Variants in PITPNC1 observed in about 807,000 individuals in gnomAD.
The protein encoded by PITPNC1 is phosphatidylinositol transfer protein cytoplasmic 1.
Under a neutral mutation model 44.7 loss-of-function variants are expected in PITPNC1, and 18 were observed. The ratio of observed to expected loss-of-function variants is 0.40; its 90% CI spans 0.28 to 0.60. PITPNC1 has a LOEUF of 0.60. PITPNC1 is among the 20% of genes least tolerant of loss of function. PITPNC1 has a pLI of 0.39. For missense variants in PITPNC1, 290 were observed against 418.4 expected (o/e 0.69, Z 2.68); for synonymous variants, 141 against 149.6 (o/e 0.94, Z 0.42).
At chr17:67,557,819 GC>G (rs2040859030) in intron 4 of PITPNC1, among the ~76,000 whole-genome samples, 1 of 152,178 alleles carries the variant, frequency 6.6e-6, no homozygotes, top group African/African-American at 2.4e-5. Context: ...TTTGAATTGT[GC>G]TCTTTATCCC....
At chr17:67,529,775 C>T (rs1403993063) in intron 1 of PITPNC1, among the ~76,000 whole-genome samples, 5 of 152,014 alleles carry the variant, frequency 3.3e-5, no homozygotes, top group Non-Finnish European at 7.4e-5. Context: ...GGTGAAACCC[C>T]GTCTCTACTA....
intron 1 of PITPNC1, among the ~76,000 whole-genome samples, chr17:67,384,117 A>G (rs1296537710): frequency 3.9e-5 from 6 of 152,288 alleles, no homozygotes; most frequent in Non-Finnish European, 4.4e-5. Context: ...CATTCACATA[A>G]ATGTGTATAC....
chr17:67,654,469 T>C (rs2042241973), intron 6 of PITPNC1, among the ~76,000 whole-genome samples: 1 of 152,202 alleles, frequency 6.6e-6, no homozygotes, highest in South Asian at 2.1e-4. Flanking sequence ...AGGAGCTTAA[T>C]AAGATTTGAA....
At chr17:67,455,875 T>C (rs770391306) in intron 1 of PITPNC1, among the ~76,000 whole-genome samples, 6 of 152,214 alleles carry the variant, frequency 3.9e-5, no homozygotes, top group Non-Finnish European at 7.3e-5. Flanking sequence ...ACTTGGTTAC[T>C]GGGTTTGTGA....
intron 1 of PITPNC1, among the ~76,000 whole-genome samples, chr17:67,434,448 C>T (rs559185649): frequency 1.3e-3 from 205 of 152,200 alleles, no homozygotes; most frequent in Non-Finnish European, 2.5e-3. Flanking sequence ...AGGCCCATTA[C>T]ATAACCTTTC....
chr17:67,509,203 C>T (rs1224113813), intron 1 of PITPNC1, among the ~76,000 whole-genome samples: 3 of 150,266 alleles, frequency 2.0e-5, no homozygotes, highest in African/African-American at 4.9e-5. Context: ...CACTGCACTC[C>T]AGCCTGGGAG....
In PITPNC1 at chr17:67,511,498, A is replaced by G. The variant is rs568186185; in HGVS notation, c.49-21304A>G. 6.3e-4 allele frequency among the ~76,000 whole-genome samples: 96 copies of G among 152,178 alleles called. 2 individuals are homozygous for G. The highest frequency in any genetic ancestry group is 6.8e-3 in the Middle Eastern group (2 of 294). ...CGAGGTCGGTTCCCTTCACCTCGTC[A>G]ATACTGGCTAGCTGTTCTTTTTCTT... On this transcript the variant is annotated intron_variant, in intron 1 of 8. Coordinates refer to ENST00000581322, the MANE Select transcript of PITPNC1 (RefSeq NM_012417.4).
chr17:67,684,862 A>C (rs1598994286), intron 8 of PITPNC1, among the ~76,000 whole-genome samples: 1 of 152,244 alleles, frequency 6.6e-6, no homozygotes, highest in East Asian at 1.9e-4. Flanking sequence ...TTGAAAGCCC[A>C]TAGTCACAAA....
In PITPNC1 at chr17:67,389,707, TCTCA is replaced by T. The variant is rs10582700; in HGVS notation, c.48+11509_48+11512del. ...TGTTGTTGTTGTTTTTGAGATGGAGTCTCACTCTGTTGCCCAGGCTAGAGTGCTA... is the reference window on the plus strand; with the variant it reads ...TGTTGTTGTTGTTTTTGAGATGGAGTCTCTGTTGCCCAGGCTAGAGTGCTA... On this transcript the variant is annotated intron_variant, in intron 1 of 8. Coordinates refer to ENST00000581322, the MANE Select transcript of PITPNC1 (RefSeq NM_012417.4). 9.3e-3 allele frequency among the ~76,000 whole-genome samples: 1,412 copies of T among 152,090 alleles called. 21 individuals are homozygous for T. Among genetic ancestry groups the T allele is most frequent in the African/African-American group, 0.032 (1,307 of 41,464 alleles).
Position 67,405,278 on chromosome 17 carries a change from G to A in PITPNC1, c.48+27076G>A, listed in dbSNP as rs553271760. 2.6e-5 allele frequency among the ~76,000 whole-genome samples: 4 copies of A among 151,662 alleles called. No homozygotes were observed. The East Asian group carries it at 5.9e-4, about 22-fold the overall frequency. ...AAAAAATTCAGATTTAGGGACAGGC[G>A]CAGTGGCTCATGACTGTAATCCCAT... On this transcript the variant is annotated intron_variant, in intron 1 of 8. Coordinates refer to ENST00000581322, the MANE Select transcript of PITPNC1 (RefSeq NM_012417.4).
intron 5 of PITPNC1, among the ~76,000 whole-genome samples, chr17:67,629,087 G>A (rs922959460): frequency 3.9e-5 from 6 of 152,124 alleles, no homozygotes; most frequent in Non-Finnish European, 7.4e-5. Context: ...GAATTAAATC[G>A]GAGAAAGCTA....
At chr17:67,489,110 C>G (rs964158842) in intron 1 of PITPNC1, among the ~76,000 whole-genome samples, 11 of 152,036 alleles carry the variant, frequency 7.2e-5, no homozygotes, top group African/African-American at 2.7e-4. Context: ...GGGTACTTTC[C>G]CAGAATTGGA....
chr17:67,490,904 A>T (rs752222678), intron 1 of PITPNC1, among the ~76,000 whole-genome samples: 1 of 152,122 alleles, frequency 6.6e-6, no homozygotes, highest in Non-Finnish European at 1.5e-5. Context: ...CAAACTTTAT[A>T]CTTACTTCTC....
intron 6 of PITPNC1, among the ~76,000 whole-genome samples, chr17:67,656,821 T>C (rs931664345): frequency 1.1e-4 from 16 of 152,194 alleles, no homozygotes; most frequent in Non-Finnish European, 2.2e-4. Flanking sequence ...GTAAAATAAT[T>C]CTGTTCTTTT....
At chr17:67,663,911 G>A (rs1214574224) in intron 6 of PITPNC1, among the ~76,000 whole-genome samples, 2 of 152,090 alleles carry the variant, frequency 1.3e-5, no homozygotes, top group Admixed American at 6.6e-5. Context: ...TCCAGTGACC[G>A]AGCGAGCTTC....
At chr17:67,660,500 ATATT>A (rs1180396154) in intron 6 of PITPNC1, among the ~76,000 whole-genome samples, 7 of 149,222 alleles carry the variant, frequency 4.7e-5, no homozygotes, top group African/African-American at 1.8e-4. Context: ...TGTATCATAT[ATATT>A]TTATTTTATT....
chr17:67,657,890 A>G (rs1168794872), intron 6 of PITPNC1, among the ~76,000 whole-genome samples: 2 of 152,230 alleles, frequency 1.3e-5, no homozygotes, highest in East Asian at 3.8e-4. Context: ...CTGGTGTTCC[A>G]TTTTTAATAC....
At chr17:67,490,154 GTGTGTGTTT>G (rs2039843172) in intron 1 of PITPNC1, among the ~76,000 whole-genome samples, 1 of 96,674 alleles carries the variant, frequency 1.0e-5, no homozygotes, top group Non-Finnish European at 2.2e-5. Flanking sequence ...GTGTGTGTGT[GTGTGTGTTT>G]TAATTAACGA....
intron 5 of PITPNC1, among the ~76,000 whole-genome samples, chr17:67,619,910 A>G (rs935133690): frequency 2.0e-5 from 3 of 152,094 alleles, no homozygotes; most frequent in Non-Finnish European, 2.9e-5. Context: ...CCATGTCCTC[A>G]TGAACTCACC....
Sources: gnomAD v4.1 joint callset for allele counts (sites outside exome capture counted in the v4.1 genomes callset) on GRCh38, gnomAD v4.1.1 for gene constraint, MANE v1.5 for transcripts, NCBI Gene and HGNC (gene_info 2026-07-23, HGNC 2026-07-21) for gene names.